Variants in ROBO1 observed in about 807,000 individuals in gnomAD.
The protein encoded by ROBO1 is roundabout guidance receptor 1.
A neutral mutation model predicts 195.9 loss-of-function variants in ROBO1; 149 were observed. The ratio of observed to expected loss-of-function variants is 0.76; its 90% CI spans 0.67 to 0.87. The LOEUF (loss-of-function observed/expected upper bound fraction) is 0.87, where lower values mean the gene tolerates loss of function less well. Ranked by LOEUF, ROBO1 falls within the 40% of genes least tolerant of loss-of-function variation. ROBO1 has a pLI of 0.00. For missense variants in ROBO1, 1,933 were observed against 2,068.3 expected (o/e 0.93, Z 1.27); for synonymous variants, 816 against 733.2 (o/e 1.11, Z -1.82).
chr3:79,692,467 G>A lies in ROBO1; in HGVS notation c.-51+75285C>T, dbSNP rs1255536227. Among the ~76,000 whole-genome samples, 8 of 151,970 alleles carry A rather than the reference G, an allele frequency of 5.3e-5. No homozygotes were observed. In the East Asian group the frequency reaches 1.4e-3, roughly 26 times the overall value. On this transcript the variant is annotated intron_variant, in intron 1 of 30. Coordinates refer to ENST00000464233, the MANE Select transcript of ROBO1 (RefSeq NM_002941.4). ...GATTAGTGTCTTCAGACAGGAGCAA[G>A]TAGAAGGAAACTTAAGCACCAGAGA...
At chr3:79,022,274 A>G (rs1465421393) in intron 3 of ROBO1, among the ~76,000 whole-genome samples, 2 of 152,208 alleles carry the variant, frequency 1.3e-5, no homozygotes, top group Non-Finnish European at 2.9e-5. Context: ...TGTGCAAGAA[A>G]CAGTAAAGTG....
At chr3:78,701,096 GT>G (rs1342772857) in intron 8 of ROBO1, among the ~76,000 whole-genome samples, 1 of 152,088 alleles carries the variant, frequency 6.6e-6, no homozygotes, top group African/African-American at 2.4e-5. Context: ...AATAGCAACT[GT>G]TTACTACATT....
intron 2 of ROBO1, among the ~76,000 whole-genome samples, chr3:79,391,001 G>A (rs2036928784): frequency 6.6e-6 from 1 of 151,616 alleles, no homozygotes; most frequent in African/African-American, 2.4e-5. Context: ...TTAATGAGTT[G>A]TTAAAAACAC....
chr3:79,017,660 C>T (rs1477496461), intron 3 of ROBO1, among the ~76,000 whole-genome samples: 1 of 151,932 alleles, frequency 6.6e-6, no homozygotes, highest in African/African-American at 2.4e-5. Context: ...GTCAGAAGGG[C>T]CCCGTTTCAG....
chr3:78,807,370 C>CA (rs1453291378), intron 4 of ROBO1, among the ~76,000 whole-genome samples: 1 of 151,592 alleles, frequency 6.6e-6, no homozygotes, highest in African/African-American at 2.4e-5. Flanking sequence ...ATGTATTTCT[C>CA]AAAAAAACTA....
rs775064327 is a variant in ROBO1 at position 78,662,116 on chromosome 3, TACA to T, written c.1967-5_1967-3del. ...CCCCCTGACTTGTTGGTAGGACATC[TACA>T]ACAAGTCAAGAAAACTGTGTCAGGG... On this transcript the variant is annotated splice_polypyrimidine_tract_variant and splice_region_variant and intron_variant, in intron 14 of 30. Coordinates refer to ENST00000464233, the MANE Select transcript of ROBO1 (RefSeq NM_002941.4). 7 of 1,556,080 alleles carry T rather than the reference TACA, an allele frequency of 4.5e-6. No homozygotes were observed. The highest frequency in any genetic ancestry group is 3.6e-5 in the South Asian group (3 of 84,338).
intron 2 of ROBO1, among the ~76,000 whole-genome samples, chr3:79,267,175 C>G (rs890808166): frequency 2.6e-5 from 4 of 151,420 alleles, no homozygotes; most frequent in Admixed American, 1.3e-4. Context: ...ACACTCCCAT[C>G]TTCATTAAAA....
intron 2 of ROBO1, among the ~76,000 whole-genome samples, chr3:79,279,412 A>G (rs2108996647): frequency 6.6e-6 from 1 of 152,328 alleles, no homozygotes; most frequent in Middle Eastern, 3.4e-3. Context: ...ACGAAATGCA[A>G]ATCAATAACC....
At chr3:78,696,616 C>T (rs1444230535) in intron 8 of ROBO1, among the ~76,000 whole-genome samples, 1 of 148,826 alleles carries the variant, frequency 6.7e-6, no homozygotes, top group Non-Finnish European at 1.5e-5. Context: ...ATCATTACTA[C>T]CAAAATCATT....
At chr3:79,004,876 G>A (rs2077585562) in intron 3 of ROBO1, among the ~76,000 whole-genome samples, 1 of 152,126 alleles carries the variant, frequency 6.6e-6, no homozygotes, top group African/African-American at 2.4e-5. Flanking sequence ...GGTTCACAAA[G>A]AAGAAAAGGT....
intron 4 of ROBO1, among the ~76,000 whole-genome samples, chr3:78,934,719 C>G (rs1367049562): frequency 2.0e-5 from 3 of 152,114 alleles, no homozygotes; most frequent in Non-Finnish European, 4.4e-5. Flanking sequence ...TTCCAGTCTT[C>G]ATTCTATCAC....
chr3:78,806,600 A>C (rs957212849), intron 4 of ROBO1, among the ~76,000 whole-genome samples: 1 of 152,168 alleles, frequency 6.6e-6, no homozygotes, highest in African/African-American at 2.4e-5. Context: ...AAGTCATGTT[A>C]AGAAGTTTGA....
chr3:78,823,824 T>C (rs1292282904), intron 4 of ROBO1, among the ~76,000 whole-genome samples: 1 of 152,230 alleles, frequency 6.6e-6, no homozygotes, highest in Non-Finnish European at 1.5e-5. Flanking sequence ...TAGGTCCCTA[T>C]GAACACCCTT....
chr3:79,494,031 G>T (rs549066245), intron 2 of ROBO1, among the ~76,000 whole-genome samples: 7 of 152,128 alleles, frequency 4.6e-5, no homozygotes, highest in African/African-American at 1.2e-4. Context: ...ATGGCTTTTT[G>T]AACTATTTGC....
chr3:79,537,622 A>C (rs1269212019), intron 2 of ROBO1, among the ~76,000 whole-genome samples: 1 of 152,046 alleles, frequency 6.6e-6, no homozygotes, highest in Admixed American at 6.6e-5. Context: ...ACGACCTAGG[A>C]ATTAACACAG....
chr3:79,268,004 G>C (rs978454065), intron 2 of ROBO1, among the ~76,000 whole-genome samples: 1 of 151,622 alleles, frequency 6.6e-6, no homozygotes, highest in African/African-American at 2.4e-5. Context: ...TAAATTAGGA[G>C]AATGATGTAT....
intron 1 of ROBO1, among the ~76,000 whole-genome samples, chr3:79,726,470 C>T (rs571883473): frequency 9.5e-4 from 145 of 152,168 alleles, no homozygotes; most frequent in African/African-American, 3.2e-3. Context: ...TAAATAAATG[C>T]TTGATGTTGA....
intron 2 of ROBO1, among the ~76,000 whole-genome samples, chr3:79,143,467 T>C (rs2080574895): frequency 1.3e-5 from 2 of 152,034 alleles, no homozygotes; most frequent in African/African-American, 4.8e-5. Context: ...GACTGGTCAT[T>C]ACAAACATGA....
In ROBO1 at chr3:79,262,432, T is replaced by C. The variant is rs1353791790; in HGVS notation, c.89-136893A>G. Among the ~76,000 whole-genome samples, 17 of 152,110 alleles carry C rather than the reference T, an allele frequency of 1.1e-4. 1 individual carries two copies. Among genetic ancestry groups the C allele is most frequent in the Admixed American group, 1.1e-3 (17 of 15,236 alleles). On this transcript the variant is annotated intron_variant, in intron 2 of 30. Coordinates refer to ENST00000464233, the MANE Select transcript of ROBO1 (RefSeq NM_002941.4). Reference sequence around the variant, plus strand: ...TGAATCATTTAGAGACTGAAATTGCTAATCTGCATTTGATATTTAGAGTAC... The same window carrying C: ...TGAATCATTTAGAGACTGAAATTGCCAATCTGCATTTGATATTTAGAGTAC...
Sources: gnomAD v4.1 joint callset for allele counts (sites outside exome capture counted in the v4.1 genomes callset) on GRCh38, gnomAD v4.1.1 for gene constraint, MANE v1.5 for transcripts, NCBI Gene and HGNC (gene_info 2026-07-23, HGNC 2026-07-21) for gene names.